Variants in CDYL2 observed in about 807,000 individuals in gnomAD.
CDYL2 encodes chromodomain Y-like protein 2.
In CDYL2, 23 loss-of-function variants were observed where a neutral mutation model predicts 49.4. That is an observed-to-expected ratio of 0.47 (90% CI 0.34 to 0.66). The LOEUF is 0.66. Ranked by LOEUF, CDYL2 falls within the 30% of genes least tolerant of loss-of-function variation. The pLI is 0.01. For synonymous variants in CDYL2, 360 were observed against 268.8 expected, an observed-to-expected ratio of 1.34 and a Z score of -3.32; for missense variants, 678 against 656.4, an observed-to-expected ratio of 1.03 and a Z score of -0.36.
intron 1 of CDYL2, among the ~76,000 whole-genome samples, chr16:80,739,987 G>A (rs9924676): frequency 0.028 from 4,252 of 152,296 alleles, 211 homozygotes; most frequent in African/African-American, 0.098. Context: ...CACTGTCTTT[G>A]CTAGGGTCTT....
chr16:80,647,407 G>T (rs567513142), intron 2 of CDYL2, among the ~76,000 whole-genome samples: 43 of 152,166 alleles, frequency 2.8e-4, no homozygotes, highest in African/African-American at 9.4e-4. Context: ...GCTATCCTAA[G>T]CAAAAAGAAC....
intron 3 of CDYL2, among the ~76,000 whole-genome samples, chr16:80,629,179 AT>A (rs1907440655): frequency 6.6e-6 from 1 of 152,134 alleles, no homozygotes; most frequent in African/African-American, 2.4e-5. Flanking sequence ...GGGTGTGTGT[AT>A]AAAGGGTTGA....
At chr16:80,781,737 A>G (rs951159956) in intron 1 of CDYL2, among the ~76,000 whole-genome samples, 5 of 152,220 alleles carry the variant, frequency 3.3e-5, no homozygotes, top group African/African-American at 9.6e-5. Context: ...AATTAATAAT[A>G]GAAGGAAAAC....
chr16:80,708,744 C>T (rs1364425395), intron 1 of CDYL2, among the ~76,000 whole-genome samples: 1 of 151,982 alleles, frequency 6.6e-6, no homozygotes, highest in African/African-American at 2.4e-5. Flanking sequence ...ATAAAACACA[C>T]AGGGTTGTTT....
chr16:80,705,071 G>GTC (rs1567578202), intron 1 of CDYL2, among the ~76,000 whole-genome samples: 3 of 152,182 alleles, frequency 2.0e-5, no homozygotes, highest in African/African-American at 7.2e-5. Flanking sequence ...CCAGTGCTTC[G>GTC]TCTACGCTGA....
At chr16:80,647,190 T>G (rs572718831) in intron 2 of CDYL2, among the ~76,000 whole-genome samples, 14 of 152,216 alleles carry the variant, frequency 9.2e-5, no homozygotes, top group African/African-American at 3.4e-4. Flanking sequence ...TATAAAATAC[T>G]GATGAAAGAA....
At chr16:80,613,816 A>T in intron 4 of CDYL2, among the ~76,000 whole-genome samples, 1 of 152,238 alleles carries the variant, frequency 6.6e-6, no homozygotes, top group East Asian at 1.9e-4. Context: ...AGGAAAGATT[A>T]GAAACTATAA....
intron 1 of CDYL2, among the ~76,000 whole-genome samples, chr16:80,802,704 T>A (rs1233328801): frequency 2.0e-5 from 3 of 152,148 alleles, no homozygotes; most frequent in Non-Finnish European, 4.4e-5. Context: ...AACTCCAGAA[T>A]CATTCACAAG....
chr16:80,799,956 T>TTTCTTTGACAGGAATGTA (rs1907876749), intron 1 of CDYL2, among the ~76,000 whole-genome samples: 1 of 152,230 alleles, frequency 6.6e-6, no homozygotes, highest in South Asian at 2.1e-4. Flanking sequence ...AGTACATGTA[T>TTTCTTTGACAGGAATGTA]TTCTTTGACA....
chr16:80,753,093 T>C (rs1366621078), intron 1 of CDYL2, among the ~76,000 whole-genome samples: 2 of 152,128 alleles, frequency 1.3e-5, no homozygotes, highest in African/African-American at 4.8e-5. Context: ...AATGGTGTAA[T>C]GCAGTCAAAG....
In CDYL2 at chr16:80,600,716, T is replaced by A. The variant is rs966742872; in HGVS notation, c.*3672A>T. ...AAGATTTGAAGATGTTTCTATTTGT[T>A]TCTCTCTGTTAAAAAATTTCCACAG... On this transcript the variant is annotated 3_prime_UTR_variant, in exon 7 of 7. Transcript: ENST00000570137. The A allele has an allele frequency of 6.6e-6, 1 of 152,216 alleles. No individual in the cohort carries two copies. Among genetic ancestry groups the A allele is most frequent in the African/African-American group, 2.4e-5 (1 of 41,466 alleles). The allele number at this position is 152,216 out of a possible 1,614,324, so 9.4% of individuals were successfully genotyped here.
chr16:80,635,725 T>C (rs1252958948), intron 2 of CDYL2, among the ~76,000 whole-genome samples: 2 of 152,174 alleles, frequency 1.3e-5, no homozygotes, highest in African/African-American at 2.4e-5. Flanking sequence ...TTAAATTTCA[T>C]ATGGAGCCAA....
At chr16:80,677,476 C>T (rs911398739) in intron 2 of CDYL2, among the ~76,000 whole-genome samples, 10 of 152,092 alleles carry the variant, frequency 6.6e-5, no homozygotes, top group Admixed American at 4.6e-4. Context: ...CAGTGGCGCA[C>T]GCCTGGAATC....
chr16:80,678,750 T>G (rs1395345819), intron 2 of CDYL2, among the ~76,000 whole-genome samples: 1 of 150,876 alleles, frequency 6.6e-6, no homozygotes, highest in African/African-American at 2.5e-5. Flanking sequence ...GACCTAGCCA[T>G]CCCATTACTG....
At chr16:80,610,817 T>C (rs1906561223) in intron 5 of CDYL2, among the ~76,000 whole-genome samples, 1 of 152,186 alleles carries the variant, frequency 6.6e-6, no homozygotes, top group Admixed American at 6.5e-5. Context: ...GGTGCTTCTC[T>C]GGCACTTTTG....
chr16:80,607,429 G>A (rs1906389015), intron 6 of CDYL2, among the ~76,000 whole-genome samples: 1 of 152,206 alleles, frequency 6.6e-6, no homozygotes, highest in Admixed American at 6.5e-5. Flanking sequence ...CAAGCACAGA[G>A]CGAGTCCTAG....
At position 80,739,881 on chromosome 16, in the gene CDYL2, G is replaced by A. The variant is rs1471951488; in HGVS notation, c.25-54752C>T. ...TTACAGCCCAATTACCTGAAATGCTGATCTGGGCTATACCAACAAAGCAGC... is the reference window on the plus strand; with the variant it reads ...TTACAGCCCAATTACCTGAAATGCTAATCTGGGCTATACCAACAAAGCAGC... On this transcript the variant is annotated intron_variant, in intron 1 of 6. Transcript: ENST00000570137. Among the ~76,000 whole-genome samples, 2 of 152,180 alleles carry A rather than the reference G, an allele frequency of 1.3e-5. 1 individual carries two copies. The highest frequency in any genetic ancestry group is 2.9e-5 in the Non-Finnish European group (2 of 68,038).
intron 2 of CDYL2, among the ~76,000 whole-genome samples, chr16:80,662,100 C>G (rs1003546000): frequency 4.6e-5 from 7 of 152,322 alleles, no homozygotes; most frequent in African/African-American, 1.7e-4. Flanking sequence ...GCTTGCAAAG[C>G]TTTGTATTGG....
At chr16:80,696,749 G>T (rs1036726663) in intron 1 of CDYL2, among the ~76,000 whole-genome samples, 2 of 150,470 alleles carry the variant, frequency 1.3e-5, no homozygotes, top group Non-Finnish European at 3.0e-5. Context: ...ACAAAGAAAA[G>T]TCCAGAACAG....
Sources: allele counts gnomAD v4.1 joint callset (sites outside exome capture counted in the v4.1 genomes callset), GRCh38; gene constraint gnomAD v4.1.1; transcripts MANE v1.5; gene names NCBI Gene and HGNC (gene_info 2026-07-23, HGNC 2026-07-21).